STARD9: variants seen among roughly 807,000 people sequenced by gnomAD.
STARD9 encodes the protein StAR related lipid transfer domain containing 9.
A neutral mutation model predicts 399.8 loss-of-function variants in STARD9; 346 were observed. That is an observed-to-expected ratio of 0.87 (90% confidence interval 0.79 to 0.95). STARD9 has a LOEUF of 0.95. Among genes scored for constraint, STARD9 ranks in the 40% least tolerant of loss-of-function variants. The pLI is 0.00. For missense variants in STARD9, 5,832 were observed against 5,667.5 expected (o/e 1.03, Z -0.93); for synonymous variants, 2,203 against 2,143.5 (o/e 1.03, Z -0.77).
intron 7 of STARD9, among the ~76,000 whole-genome samples, chr15:42,647,365 C>T (rs2059665676): frequency 6.6e-6 from 1 of 152,042 alleles, no homozygotes; most frequent in East Asian, 1.9e-4. Context: ...GTATGGATGC[C>T]TTTTTCTCCT....
chr15:42,685,618 C>G lies in STARD9; in HGVS notation c.4040C>G (p.Pro1347Arg), dbSNP rs1351130394. The change falls in exon 23 of 33, where the codon CCC becomes CGC. Residue 1347 changes from proline (P) to arginine (R), a missense_variant. Pro to Arg is a moderately radical substitution (Grantham distance 103, BLOSUM62 -2). Around this residue, in one of 2 missense-constraint regions of STARD9, gnomAD observed 5,828 missense variants for 5,651.1 expected, o/e 1.03. Transcript: ENST00000290607. ...SWFSCDSKINPSSPPGIVGSL... is the reference protein window; with the variant it reads ...SWFSCDSKINRSSPPGIVGSL... ...TTTTCCTGTGACTCTAAGATCAACCCCAGCAGCCCCCCAGGAATAGTGGGT... is the reference window on the plus strand; with the variant it reads ...TTTTCCTGTGACTCTAAGATCAACCGCAGCAGCCCCCCAGGAATAGTGGGT... 2.0e-6 allele frequency: 3 copies of G among 1,537,394 alleles called. No homozygotes were observed. The East Asian group carries it at 7.3e-5, about 38-fold the overall frequency.
At chr15:42,712,942 A>G (rs1430056126) in intron 26 of STARD9, among the ~76,000 whole-genome samples, 1 of 152,208 alleles carries the variant, frequency 6.6e-6, no homozygotes, top group African/African-American at 2.4e-5. Context: ...GGTTTCTCAG[A>G]TTTCCATATG....
At chr15:42,614,323 T>G (rs759240171) in intron 3 of STARD9, among the ~76,000 whole-genome samples, 2 of 151,146 alleles carry the variant, frequency 1.3e-5, no homozygotes, top group Non-Finnish European at 3.0e-5. Flanking sequence ...AAAAAAATTA[T>G]AAGAAGGCTT....
At chr15:42,620,648 A>G (rs1040964645) in intron 3 of STARD9, among the ~76,000 whole-genome samples, 2 of 152,178 alleles carry the variant, frequency 1.3e-5, no homozygotes, top group African/African-American at 2.4e-5. Context: ...TCAGTCTGGA[A>G]TAGGTCCTCA....
At chr15:42,671,920 G>A (rs775863122) in intron 16 of STARD9, 1 of 152,170 alleles carries the variant, frequency 6.6e-6, no homozygotes, top group South Asian at 2.1e-4. Flanking sequence ...GGGACTACAG[G>A]CATGAGCCCT....
chr15:42,584,306 T>TA (rs1384007264), intron 2 of STARD9, among the ~76,000 whole-genome samples: 1 of 152,194 alleles, frequency 6.6e-6, no homozygotes, highest in Non-Finnish European at 1.5e-5. Flanking sequence ...AATGGGGACC[T>TA]ACCAGACTTT....
At chr15:42,707,230 A>T (rs1235422185) in intron 26 of STARD9, among the ~76,000 whole-genome samples, 1 of 152,206 alleles carries the variant, frequency 6.6e-6, no homozygotes, top group African/African-American at 2.4e-5. Context: ...CTTTGAGGAT[A>T]TTGGAACCAT....
chr15:42,606,943 A>C (rs530440643), intron 3 of STARD9, among the ~76,000 whole-genome samples: 1 of 151,938 alleles, frequency 6.6e-6, no homozygotes, highest in Non-Finnish European at 1.5e-5. Context: ...TGGGTTTTGA[A>C]GTGTACTTCA....
In STARD9 at chr15:42,689,619, G is replaced by T. The variant is rs960869332; in HGVS notation, c.8041G>T (p.Glu2681Ter). 1 of 1,537,396 alleles carries T rather than the reference G, an allele frequency of 6.5e-7. No homozygotes were observed. The highest frequency in any genetic ancestry group is 8.7e-7 in the Non-Finnish European group (1 of 1,147,000). ...PAQDRKRRTG[E>*]LRQFAGASEP... The stretch of plus-strand genomic sequence containing the variant: ...TCAAGACAGGAAACGTCGTACTGGA[G>T]AACTGAGGCAGTTCGCGGGAGCAAG... The change falls in exon 23 of 33, where the codon GAA (glutamate) becomes TAA (stop). Residue 2681 changes from glutamate (E) to a stop codon, truncating the protein, a stop_gained. Transcript: ENST00000290607. LOFTEE classifies it high-confidence loss of function.
In STARD9 at chr15:42,694,525, C is replaced by T; in HGVS notation, c.12765-3C>T. 1.3e-6 allele frequency: 2 copies of T among 1,536,758 alleles called. No individual in the cohort carries two copies. The highest frequency in any genetic ancestry group is 1.7e-6 in the Non-Finnish European group (2 of 1,146,668). ...AGCTTCAGCGAATCGTGTTTTGCCT[C>T]AGGCAAAAAAAGGCCATTGAGACCC... On this transcript the variant is annotated splice_region_variant and splice_polypyrimidine_tract_variant and intron_variant, in intron 23 of 32. Coordinates refer to ENST00000290607, the MANE Select transcript of STARD9 (RefSeq NM_020759.3).
chr15:42,582,906 T>G (rs953978689), intron 1 of STARD9, among the ~76,000 whole-genome samples: 6 of 152,206 alleles, frequency 3.9e-5, no homozygotes, highest in Non-Finnish European at 7.3e-5. Context: ...ATTCAGAGCC[T>G]AGGCTTCCTG....
At chr15:42,677,207 T>G (rs2060328606) in intron 20 of STARD9, among the ~76,000 whole-genome samples, 1 of 150,576 alleles carries the variant, frequency 6.6e-6, no homozygotes, top group Non-Finnish European at 1.5e-5. Flanking sequence ...GAGGTTGCAG[T>G]GAGCCGACAT....
At chr15:42,623,464 G>T (rs2059132827) in intron 3 of STARD9, among the ~76,000 whole-genome samples, 2 of 152,156 alleles carry the variant, frequency 1.3e-5, no homozygotes, top group Admixed American at 6.5e-5. Context: ...GACAGTGTTT[G>T]AAAGGTTTTT....
chr15:42,598,189 G>A (rs1221689736), intron 3 of STARD9, among the ~76,000 whole-genome samples: 4 of 151,474 alleles, frequency 2.6e-5, no homozygotes, highest in Non-Finnish European at 5.9e-5. Flanking sequence ...CTGCCACCAC[G>A]CCTGGCTAAT....
At position 42,712,090 on chromosome 15, in the gene STARD9, T is replaced by A. The variant is rs1223645840; in HGVS notation, c.13285-4587T>A. Among the ~76,000 whole-genome samples, 11 of 6,142 alleles carry A rather than the reference T, an allele frequency of 1.8e-3. 4 individuals are homozygous for A. The highest frequency in any genetic ancestry group is 9.0e-3 in the African/African-American group (10 of 1,114). The allele number at this position is 6,142 out of a possible 152,430, so 4.0% of individuals were successfully genotyped here. A position where few individuals can be genotyped will look rare whatever the true frequency, so the allele number is the denominator to read the frequency against. On this transcript the variant is annotated intron_variant, in intron 26 of 32. Coordinates refer to ENST00000290607, the MANE Select transcript of STARD9 (RefSeq NM_020759.3). ...TATATATATATATATATTATATATATATATATAATATATAATATATAATAT... is the reference window on the plus strand; with the variant it reads ...TATATATATATATATATTATATATAAATATATAATATATAATATATAATAT...
intron 3 of STARD9, among the ~76,000 whole-genome samples, chr15:42,610,144 T>A (rs899861191): frequency 6.6e-6 from 1 of 152,174 alleles, no homozygotes; most frequent in Non-Finnish European, 1.5e-5. Context: ...AGTCTCATTT[T>A]GTGATCATTT....
rs1330178810 is a variant in STARD9 at position 42,685,700 on chromosome 15, T to G, written c.4122T>G (p.Pro1374=). 5 of 1,537,332 alleles carry G rather than the reference T, an allele frequency of 3.3e-6. No homozygotes were observed. The highest frequency in any genetic ancestry group is 4.4e-6 in the Non-Finnish European group (5 of 1,146,974). ...TTCACTCCTGTAAGGGGGAGAGGCCTGGATACTGGCCAAATACTGAGGAAC... is the reference window on the plus strand; with the variant it reads ...TTCACTCCTGTAAGGGGGAGAGGCCGGGATACTGGCCAAATACTGAGGAAC... ...QEFHSCKGER[P]GYWPNTEELK... The change falls in exon 23 of 33, where the codon CCT becomes CCG. Residue 1374 remains proline, a synonymous_variant. Coordinates refer to ENST00000290607, the MANE Select transcript of STARD9 (RefSeq NM_020759.3).
intron 26 of STARD9, among the ~76,000 whole-genome samples, chr15:42,698,157 G>C (rs2060885058): frequency 6.6e-6 from 1 of 152,182 alleles, no homozygotes; most frequent in Admixed American, 6.5e-5. Context: ...TTCTAACTTG[G>C]GTTGCTTTCA....
rs929407073 is a variant in STARD9 at position 42,675,757 on chromosome 15, C to T, written c.1770+11C>T. On this transcript the variant is annotated intron_variant, in intron 19 of 32. Transcript: ENST00000290607. ...CGGCAGCGAAGGCAGGTTAGCAGGG[C>T]TGTGTTTTCTAGGTTATTGCTGGCC... 4 of 1,536,604 alleles carry T rather than the reference C, an allele frequency of 2.6e-6. No homozygotes were observed. In the African/African-American group the frequency reaches 5.5e-5, roughly 21 times the overall value.
Sources: gnomAD v4.1 joint callset for allele counts (sites outside exome capture counted in the v4.1 genomes callset) on GRCh38, gnomAD v4.1.1 for gene constraint, gnomAD v4.1.1 regional missense constraint, MANE v1.5 for transcripts, NCBI Gene and HGNC (gene_info 2026-07-23, HGNC 2026-07-21) for gene names.